FECH: variants seen among roughly 807,000 people sequenced by gnomAD.
The protein encoded by FECH is ferrochelatase, mitochondrial.
A neutral mutation model predicts 56.9 loss-of-function variants in FECH; 40 were observed. The observed-to-expected ratio is 0.70, with a 90% CI of 0.55 to 0.92. The LOEUF (loss-of-function observed/expected upper bound fraction) is 0.92. FECH is among the 40% of genes least tolerant of loss of function. The probability of loss-of-function intolerance (pLI) is 0.00; values close to 1 mark genes in which losing one functional copy is unlikely to be tolerated. For missense variants in FECH, 431 were observed against 529.1 expected (o/e 0.81, Z 1.82); for synonymous variants, 175 against 198.6 (o/e 0.88, Z 1.00).
intron 4 of FECH, among the ~76,000 whole-genome samples, chr18:57,568,349 T>C (rs2051045996): frequency 6.6e-6 from 1 of 152,208 alleles, no homozygotes; most frequent in Non-Finnish European, 1.5e-5. Flanking sequence ...GGTGGCCACA[T>C]TTTAAAGTGA....
At position 57,546,959 on chromosome 18, in the gene FECH, CAAAA is replaced by C. The variant is rs1245302687; in HGVS notation, c.*3749_*3752del. On this transcript the variant is annotated 3_prime_UTR_variant, in exon 11 of 11. Transcript: ENST00000262093. ...TGGGCAACAGAGCGAGACTCCATCT[CAAAA>C]AAAAAAAAAAAAAATTTAAGGAGTG... is the stretch of plus-strand genomic sequence containing the variant. 8.9e-6 allele frequency among the ~76,000 whole-genome samples: 1 copy of C among 112,968 alleles called. No homozygotes were observed. The highest frequency in any genetic ancestry group is 1.8e-5 in the Non-Finnish European group (1 of 54,444). 74.1% of individuals were successfully genotyped at this position (112,968 alleles called of 152,430 possible).
In FECH at chr18:57,549,419, C is replaced by A; in HGVS notation, c.*1293G>T. 1 of 51,106 alleles carries A rather than the reference C, an allele frequency of 2.0e-5. No homozygotes were observed. Among genetic ancestry groups the A allele is most frequent in the Admixed American group, 2.8e-4 (1 of 3,512 alleles). 3.2% of individuals were successfully genotyped at this position (51,106 alleles called of 1,614,324 possible). A position where few individuals can be genotyped will look rare whatever the true frequency, so the allele number is the denominator to read the frequency against. ...TCTCCTAATACTTCCACTTTATAAA[C>A]TGGCTAAAAAAAAAAAAAAAAAGAA... On this transcript the variant is annotated 3_prime_UTR_variant, in exon 11 of 11. Transcript: ENST00000262093.
intron 5 of FECH, among the ~76,000 whole-genome samples, chr18:57,563,299 C>T (rs571051541): frequency 3.6e-4 from 54 of 152,102 alleles, no homozygotes; most frequent in African/African-American, 7.2e-4. Context: ...CAAAGTATGT[C>T]GGCCAGGCAC....
chr18:57,582,080 T>C (rs568294093), intron 1 of FECH, among the ~76,000 whole-genome samples: 7 of 152,276 alleles, frequency 4.6e-5, no homozygotes, highest in African/African-American at 1.7e-4. Context: ...ATTCTGAACT[T>C]CATCGTGGGA....
intron 7 of FECH, among the ~76,000 whole-genome samples, chr18:57,557,869 C>A (rs2050888646): frequency 6.6e-6 from 1 of 152,152 alleles, no homozygotes; most frequent in Admixed American, 6.5e-5. Context: ...CAGGCGAGGT[C>A]TCACCTTACA....
intron 3 of FECH, among the ~76,000 whole-genome samples, chr18:57,572,195 A>G (rs555844720): frequency 6.6e-6 from 1 of 152,354 alleles, no homozygotes; most frequent in Non-Finnish European, 1.5e-5. Flanking sequence ...CATCAATGAT[A>G]GACTGGATTA....
Position 57,550,552 on chromosome 18 carries a change from G to C in FECH, c.*160C>G. The C allele has an allele frequency of 1.3e-6, 1 of 755,590 alleles. No homozygotes were observed. The highest frequency in any genetic ancestry group is 2.1e-6 in the Non-Finnish European group (1 of 471,474). The allele number at this position is 755,590 out of a possible 1,614,324, so 46.8% of individuals were successfully genotyped here. The stretch of plus-strand genomic sequence containing the variant: ...TTATATAAAAATAGAAATCCATCAA[G>C]AGTCCAATCCTCAAGAAACCACACA... On this transcript the variant is annotated 3_prime_UTR_variant, in exon 11 of 11. Coordinates refer to ENST00000262093, the MANE Select transcript of FECH (RefSeq NM_000140.5).
chr18:57,559,273 G>T, intron 6 of FECH, 30 bp from the exon 7 acceptor site: 1 of 1,422,090 alleles, frequency 7.0e-7, no homozygotes, highest in Non-Finnish European at 9.9e-7. Flanking sequence ...GGAGGATAAA[G>T]AGGAAGGGAA....
rs1021340574 is a variant in FECH, at chr18:57,546,796, T to C, written c.*3916A>G. On this transcript the variant is annotated 3_prime_UTR_variant, in exon 11 of 11. Transcript: ENST00000262093. Reference sequence around the variant, plus strand: ...CAACATGGTCAGGCCCCATCTCTACTAAAAATACAAAAATTAGCCGGGCAT... The same window carrying C: ...CAACATGGTCAGGCCCCATCTCTACCAAAAATACAAAAATTAGCCGGGCAT... Among the ~76,000 whole-genome samples, 4 of 151,712 alleles carry C rather than the reference T, an allele frequency of 2.6e-5. No homozygotes were observed. Among genetic ancestry groups the C allele is most frequent in the African/African-American group, 4.8e-5 (2 of 41,296 alleles).
intron 5 of FECH, among the ~76,000 whole-genome samples, chr18:57,565,764 G>T (rs1350929661): frequency 1.3e-5 from 2 of 152,196 alleles, no homozygotes; most frequent in Non-Finnish European, 2.9e-5. Flanking sequence ...TTGGGACTAA[G>T]AATGTGCTGA....
intron 6 of FECH, among the ~76,000 whole-genome samples, chr18:57,559,811 T>C (rs1395100479): frequency 1.3e-5 from 2 of 152,186 alleles, no homozygotes; most frequent in African/African-American, 4.8e-5. Context: ...TACACACCCA[T>C]TAAATTCACA....
chr18:57,561,270 T>C (rs922090741), intron 6 of FECH, among the ~76,000 whole-genome samples: 1 of 152,184 alleles, frequency 6.6e-6, no homozygotes, highest in African/African-American at 2.4e-5. Context: ...AAAACAGAAT[T>C]TGTAGTTTTA....
chr18:57,584,178 CAAAAA>C (rs373579412), intron 1 of FECH, among the ~76,000 whole-genome samples: 1 of 137,278 alleles, frequency 7.3e-6, no homozygotes, highest in Non-Finnish European at 1.6e-5. Context: ...GACTCCGTCT[CAAAAA>C]AAAAAAAAAA....
intron 2 of FECH, among the ~76,000 whole-genome samples, chr18:57,576,741 A>G (rs149484736): frequency 1.2e-3 from 176 of 152,304 alleles, no homozygotes; most frequent in African/African-American, 3.9e-3. Flanking sequence ...GAAAATACCT[A>G]AATACACATG....
At chr18:57,583,165 C>T (rs2122370880) in intron 1 of FECH, among the ~76,000 whole-genome samples, 1 of 152,302 alleles carries the variant, frequency 6.6e-6, no homozygotes, top group East Asian at 1.9e-4. Context: ...ACACTCCTCT[C>T]CCCTAATGAT....
chr18:57,573,035 G>T, intron 3 of FECH: 3 of 591,158 alleles, frequency 5.1e-6, no homozygotes, highest in Non-Finnish European at 9.0e-6. Flanking sequence ...GGGAGCAAAG[G>T]GCTCAAGGAG....
In FECH at chr18:57,546,316, G is replaced by A. The variant is rs1378166716; in HGVS notation, c.*4396C>T. 6.6e-6 allele frequency among the ~76,000 whole-genome samples: 1 copy of A among 152,106 alleles called. No homozygotes were observed. The highest frequency in any genetic ancestry group is 2.4e-5 in the African/African-American group (1 of 41,400). On this transcript the variant is annotated 3_prime_UTR_variant, in exon 11 of 11. Coordinates refer to ENST00000262093, the MANE Select transcript of FECH (RefSeq NM_000140.5). ...TGCCAGCTTTAAATTCTGCCTTCCC[G>A]CTGTCGTTGGGCAAGGTGGTCCTTT... is the stretch of plus-strand genomic sequence containing the variant.
intron 2 of FECH, among the ~76,000 whole-genome samples, chr18:57,578,384 G>A (rs1276208491): frequency 6.6e-6 from 1 of 152,226 alleles, no homozygotes; most frequent in African/African-American, 2.4e-5. Context: ...GTTCTGGCCA[G>A]GCACGGTGGC....
rs1356175223 is a variant in FECH, at chr18:57,547,522, C to T, written c.*3190G>A. Reference sequence around the variant, plus strand: ...TGCTCTCACTCACTGCCATGTAAGACATCTGCTTCCCCTTCTGCCATGATT... The same window carrying T: ...TGCTCTCACTCACTGCCATGTAAGATATCTGCTTCCCCTTCTGCCATGATT... On this transcript the variant is annotated 3_prime_UTR_variant, in exon 11 of 11. Coordinates refer to ENST00000262093, the MANE Select transcript of FECH (RefSeq NM_000140.5). Among the ~76,000 whole-genome samples the T allele has an allele frequency of 6.6e-6, 1 of 152,208 alleles. No individual in the cohort carries two copies. The highest frequency in any genetic ancestry group is 6.5e-5 in the Admixed American group (1 of 15,284).
Sources: gnomAD v4.1 joint callset for allele counts (sites outside exome capture counted in the v4.1 genomes callset) on GRCh38, gnomAD v4.1.1 for gene constraint, MANE v1.5 for transcripts, NCBI Gene and HGNC (gene_info 2026-07-23, HGNC 2026-07-21) for gene names.